Variants in TGFB3 observed in about 807,000 individuals in gnomAD.
TGFB3 encodes the protein transforming growth factor beta-3 proprotein.
In TGFB3, 5 loss-of-function variants were observed where a neutral mutation model predicts 40.1. The ratio of observed to expected loss-of-function variants is 0.12; its 90% CI spans 0.07 to 0.26. The LOEUF (loss-of-function observed/expected upper bound fraction) is 0.26, where lower values mean the gene tolerates loss of function less well. TGFB3 is among the 10% of genes least tolerant of loss of function. The pLI, the probability that TGFB3 is intolerant of heterozygous loss-of-function variation, is 1.00. For missense variants in TGFB3, 373 were observed against 530.1 expected, an observed-to-expected ratio of 0.70 and a Z score of 2.91; for synonymous variants, 184 against 205.6, an observed-to-expected ratio of 0.89 and a Z score of 0.90.
In TGFB3 at chr14:75,960,110, T is replaced by C. The variant is rs1364782695; in HGVS notation, c.1081-765A>G. On this transcript the variant is annotated intron_variant, in intron 6 of 6. Transcript: ENST00000238682. ...AGCGCGTGCCACCACACCCGGCTAA[T>C]TTTTTACATTTTTGGTAGAGACAGG... Among the ~76,000 whole-genome samples, 8 of 151,976 alleles carry C rather than the reference T, an allele frequency of 5.3e-5. No individual in the cohort carries two copies. In the East Asian group the frequency reaches 1.6e-3, roughly 30 times the overall value.
At chr14:75,970,360 C>T (rs2035273814) in intron 3 of TGFB3, among the ~76,000 whole-genome samples, 1 of 151,992 alleles carries the variant, frequency 6.6e-6, no homozygotes, top group Non-Finnish European at 1.5e-5. Context: ...GAGTTCGAGA[C>T]CAGCCTGGCC....
Position 75,971,697 on chromosome 14 carries a change from T to G in TGFB3, c.374A>C (p.Lys125Thr). The G allele has an allele frequency of 6.2e-7, 1 of 1,614,222 alleles. No individual in the cohort carries two copies. Among genetic ancestry groups the G allele is most frequent in the Non-Finnish European group, 8.5e-7 (1 of 1,180,042 alleles). The stretch of plus-strand genomic sequence containing the variant: ...GCGGAAAACCTTGGAGGTAATTCCT[T>G]TAGGGCAGACAGCCAGTTCGTCTAG... ...AEHNELAVCP[K>T]GITSKVFRFN... is the part of the protein sequence containing the mutation. The change falls in exon 2 of 7, where the codon AAA becomes ACA. Residue 125 changes from lysine to threonine, a missense_variant. Coordinates refer to ENST00000238682, the MANE Select transcript of TGFB3 (RefSeq NM_003239.5). The surrounding 1 kb of genome is among the most constrained non-coding windows in gnomAD (Gnocchi z 4.5).
intron 1 of TGFB3, among the ~76,000 whole-genome samples, chr14:75,977,314 G>A (rs1566685149): frequency 2.0e-5 from 3 of 152,088 alleles, no homozygotes; most frequent in Admixed American, 6.5e-5. Context: ...GGATGACAAC[G>A]GAAGTAAAAA....
chr14:75,968,051 C>T (rs1459562188), intron 3 of TGFB3, among the ~76,000 whole-genome samples: 2 of 152,182 alleles, frequency 1.3e-5, no homozygotes, highest in Non-Finnish European at 2.9e-5. Context: ...ACTATATGAG[C>T]AATAGCACAA....
chr14:75,975,235 G>C (rs1311431754), intron 1 of TGFB3, among the ~76,000 whole-genome samples: 17 of 151,752 alleles, frequency 1.1e-4, no homozygotes. Flanking sequence ...GGGTGTGGTG[G>C]TGGGCACCTG....
Position 75,971,764 on chromosome 14 carries a change from C to G in TGFB3, c.353-46G>C, listed in dbSNP as rs1294522606. ...GAGGGCACAGCATGAGCGAGACATGCAGGAACAGTGTGCTGCCAACGGACA... is the reference window on the plus strand; with the variant it reads ...GAGGGCACAGCATGAGCGAGACATGGAGGAACAGTGTGCTGCCAACGGACA... On this transcript the variant is annotated intron_variant, in intron 1 of 6. Transcript: ENST00000238682. This position sits in a 1 kb window ranked among gnomAD's most constrained non-coding sequence, Gnocchi z 4.5. 2 of 1,608,166 alleles carry G rather than the reference C, an allele frequency of 1.2e-6. No homozygotes were observed. Among genetic ancestry groups the G allele is most frequent in the Admixed American group, 3.3e-5 (2 of 59,836 alleles).
chr14:75,972,265 T>C lies in TGFB3; in HGVS notation c.353-547A>G, dbSNP rs4252326. Among the ~76,000 whole-genome samples, 915 of 152,308 alleles carry C rather than the reference T, an allele frequency of 6.0e-3. 5 individuals carry two copies. The highest frequency in any genetic ancestry group is 0.029 in the South Asian group (138 of 4,820). On this transcript the variant is annotated intron_variant, in intron 1 of 6. Coordinates refer to ENST00000238682, the MANE Select transcript of TGFB3 (RefSeq NM_003239.5). Reference sequence around the variant, plus strand: ...CCCATTTATGCCTGGTGTTCCATTATTGGAACGCTAAGCATGTAAGAGTTA... The same window carrying C: ...CCCATTTATGCCTGGTGTTCCATTACTGGAACGCTAAGCATGTAAGAGTTA...
Position 75,971,494 on chromosome 14 carries a change from T to C in TGFB3, c.516+61A>G. 2 of 1,606,540 alleles carry C rather than the reference T, an allele frequency of 1.2e-6. No homozygotes were observed. Among genetic ancestry groups the C allele is most frequent in the Non-Finnish European group, 1.7e-6 (2 of 1,176,468 alleles). On this transcript the variant is annotated intron_variant, in intron 2 of 6. Coordinates refer to ENST00000238682, the MANE Select transcript of TGFB3 (RefSeq NM_003239.5). The surrounding 1 kb of genome is among the most constrained non-coding windows in gnomAD (Gnocchi z 4.5). ...CCAAACGCTGCACCCAGTGGTGCCCTGATATGGCAAAGGAACCAGCTTTCC... is the reference window on the plus strand; with the variant it reads ...CCAAACGCTGCACCCAGTGGTGCCCCGATATGGCAAAGGAACCAGCTTTCC...
At chr14:75,974,996 C>G (rs374526009) in intron 1 of TGFB3, among the ~76,000 whole-genome samples, 1 of 151,760 alleles carries the variant, frequency 6.6e-6, no homozygotes, top group Non-Finnish European at 1.5e-5. Flanking sequence ...GAGGCTGAGG[C>G]GGGAGGATTG....
At chr14:75,961,122 A>G in intron 5 of TGFB3, 46 bp from the exon 6 acceptor site, 5 of 1,609,114 alleles carry the variant, frequency 3.1e-6, no homozygotes, top group South Asian at 1.1e-5. Context: ...AACCACCAAT[A>G]AAAGAAACTT....
At chr14:75,965,531 T>C in intron 4 of TGFB3, 57 bp downstream of exon 4, 1 of 1,427,128 alleles carries the variant, frequency 7.0e-7, no homozygotes, top group Non-Finnish European at 9.9e-7. Flanking sequence ...TGCACTATCC[T>C]GTCCCATTAA....
intron 5 of TGFB3, 174 bp downstream of exon 5, chr14:75,963,142 G>A (rs1299713719): frequency 2.5e-6 from 2 of 784,698 alleles, no homozygotes; most frequent in Non-Finnish European, 4.3e-6. Flanking sequence ...CAGGAAAACA[G>A]AAAGAGATTT....
chr14:75,963,676 A>G (rs954371589), intron 4 of TGFB3, among the ~76,000 whole-genome samples, 189 bp from the exon 5 acceptor site: 6 of 152,188 alleles, frequency 3.9e-5, no homozygotes, highest in African/African-American at 1.4e-4. Context: ...TGGAGAAGCC[A>G]GTATCAAAAG....
rs1235253135 is a variant in TGFB3, at chr14:75,971,360, C to G, written c.517-105G>C. ...AGGGAGCGATAGGAAACCAGTGGTT[C>G]CTGAATGCCATGGCCCTCGAGCACC... On this transcript the variant is annotated intron_variant, in intron 2 of 6. Coordinates refer to ENST00000238682, the MANE Select transcript of TGFB3 (RefSeq NM_003239.5). The surrounding 1 kb of genome is among the most constrained non-coding windows in gnomAD (Gnocchi z 4.5). 1.3e-6 allele frequency: 2 copies of G among 1,580,714 alleles called. No homozygotes were observed.
chr14:75,967,681 C>T (rs998229722), intron 3 of TGFB3, among the ~76,000 whole-genome samples: 2 of 152,196 alleles, frequency 1.3e-5, no homozygotes, highest in Non-Finnish European at 1.5e-5. Flanking sequence ...ATGATGACAA[C>T]AATCACTAAC....
At chr14:75,974,462 G>A (rs774194102) in intron 1 of TGFB3, among the ~76,000 whole-genome samples, 1 of 152,248 alleles carries the variant, frequency 6.6e-6, no homozygotes, top group African/African-American at 2.4e-5. Flanking sequence ...AGAAATGGCT[G>A]TCTAGAGGGT....
chr14:75,963,125 G>A (rs2035177042), intron 5 of TGFB3, 191 bp downstream of exon 5: 1 of 698,014 alleles, frequency 1.4e-6, no homozygotes, highest in Non-Finnish European at 2.5e-6. Context: ...AAAAACAGTG[G>A]GACTCCCAGG....
chr14:75,965,877 C>T (rs1595340689), intron 3 of TGFB3, 182 bp from the exon 4 acceptor site: 20 of 631,554 alleles, frequency 3.2e-5, no homozygotes, highest in Middle Eastern at 6.5e-4. Context: ...TTCAAGCGCA[C>T]GTTGCCACAT....
At position 75,959,336 on chromosome 14, in the gene TGFB3, G is replaced by T. The variant is rs748650364; in HGVS notation, c.1090C>A (p.Leu364Met). 1.2e-6 allele frequency: 2 copies of T among 1,613,958 alleles called. No homozygotes were observed. Among genetic ancestry groups the T allele is most frequent in the South Asian group, 2.2e-5 (2 of 91,076 alleles). ...GCTTCAGGGTTCAGAGTGTTGTACAGTCCCAGCACCTGGGAAGGGACATGT... is the reference window on the plus strand; with the variant it reads ...GCTTCAGGGTTCAGAGTGTTGTACATTCCCAGCACCTGGGAAGGGACATGT... ...ADTTHSTVLG[L>M]YNTLNPEASA... is the part of the protein sequence containing the mutation. Residue 364 changes from leucine (L) to methionine (M), a missense_variant, in exon 7 of 7, where the codon CTG becomes ATG. Coordinates refer to ENST00000238682, the MANE Select transcript of TGFB3 (RefSeq NM_003239.5).
Sources: gnomAD v4.1 joint callset for allele counts (sites outside exome capture counted in the v4.1 genomes callset) on GRCh38, gnomAD v4.1.1 for gene constraint, Gnocchi (gnomAD v3.1) non-coding constraint, MANE v1.5 for transcripts, NCBI Gene and HGNC (gene_info 2026-07-23, HGNC 2026-07-21) for gene names.